KTN1: variants seen among roughly 807,000 people sequenced by gnomAD.
KTN1 encodes the protein kinectin 1, also known as kinectin.
Under a neutral mutation model 222.5 loss-of-function variants are expected in KTN1, and 130 were observed. The observed-to-expected ratio is 0.58, with a 90% CI of 0.51 to 0.68. KTN1 has a LOEUF of 0.68. Among genes scored for constraint, KTN1 ranks in the 30% least tolerant of loss-of-function variants. The pLI, the probability that KTN1 is intolerant of heterozygous loss-of-function variation, is 0.00. For synonymous variants in KTN1, 512 were observed against 496.3 expected (o/e 1.03, Z -0.42); for missense variants, 1,508 against 1,500.4 (o/e 1.01, Z -0.08).
chr14:55,679,981 C>G (rs988443561), intron 43 of KTN1: 6 of 311,136 alleles, frequency 1.9e-5, no homozygotes, highest in East Asian at 1.6e-4. Flanking sequence ...GCAACGGCTT[C>G]GTTAATTTAT....
At chr14:55,667,870 TG>T (rs2044997322) in intron 34 of KTN1, 1 of 151,716 alleles carries the variant, frequency 6.6e-6, no homozygotes, top group Admixed American at 6.6e-5. Flanking sequence ...AGTCAGTGAA[TG>T]TGCATGTGAG....
intron 33 of KTN1, 121 bp from the exon 34 acceptor site, chr14:55,667,119 TA>T (rs1363878842): frequency 3.2e-6 from 2 of 626,474 alleles, no homozygotes; most frequent in East Asian, 6.3e-5. Flanking sequence ...TTGTTAGTAT[TA>T]AAAATTTTTT....
Position 55,612,503 on chromosome 14 carries a change from C to T in KTN1, c.455C>T (p.Pro152Leu). The T allele has an allele frequency of 6.2e-7, 1 of 1,612,526 alleles. No individual in the cohort carries two copies. Among genetic ancestry groups the T allele is most frequent in the Non-Finnish European group, 8.5e-7 (1 of 1,179,664 alleles). ...GAACCTGTCCCAGTTACTAAACAGC[C>T]CACCCCTCCCTCTGAAGCAGCTGCC... ...KVEPVPVTKQPTPPSEAAASK... is the reference protein window; with the variant it reads ...KVEPVPVTKQLTPPSEAAASK... Residue 152 changes from proline to leucine, a missense_variant, in exon 2 of 44, where the codon CCC becomes CTC. Coordinates refer to ENST00000395314, the MANE Select transcript of KTN1 (RefSeq NM_001079521.2).
Position 55,653,080 on chromosome 14 carries a change from A to G in KTN1, c.2758A>G (p.Lys920Glu). The G allele has an allele frequency of 6.3e-7, 1 of 1,578,732 alleles. No individual in the cohort carries two copies. The highest frequency in any genetic ancestry group is 8.7e-7 in the Non-Finnish European group (1 of 1,149,028). Residue 920 changes from lysine (K) to glutamate (E), a missense_variant, in exon 27 of 44, where the codon AAA becomes GAA. Transcript: ENST00000395314. ...TCAGGAAGTAGCACAACATAACTTG[A>G]AAGAGGTATAGTATAAACAAATTAC... ...HVQEVAQHNL[K>E]EASSASQFEE... is the part of the protein sequence containing the mutation.
intron 12 of KTN1, 64 bp downstream of exon 12, chr14:55,637,911 G>A (rs1295556808): frequency 8.4e-7 from 1 of 1,196,128 alleles, no homozygotes; most frequent in Non-Finnish European, 1.2e-6. Context: ...TCACCTGAAT[G>A]TCTGTTGAGT....
chr14:55,611,703 C>G (rs1219265740), intron 1 of KTN1, among the ~76,000 whole-genome samples: 1 of 152,050 alleles, frequency 6.6e-6, no homozygotes, highest in Non-Finnish European at 1.5e-5. Context: ...AATAAAGTAC[C>G]AAAAGTGGAT....
At chr14:55,641,641 T>A in intron 17 of KTN1, 51 bp from the exon 18 acceptor site, 1 of 1,135,794 alleles carries the variant, frequency 8.8e-7, no homozygotes, top group Non-Finnish European at 1.3e-6. Context: ...AAATGATTGC[T>A]TTATTACCTT....
chr14:55,594,807 G>A (rs889190581), intron 1 of KTN1, among the ~76,000 whole-genome samples: 3 of 152,188 alleles, frequency 2.0e-5, no homozygotes, highest in Non-Finnish European at 4.4e-5. Flanking sequence ...AAAATATAAT[G>A]TAGTATAATG....
At chr14:55,633,994 G>C (rs929480339) in intron 8 of KTN1, among the ~76,000 whole-genome samples, 1 of 152,078 alleles carries the variant, frequency 6.6e-6, no homozygotes, top group Non-Finnish European at 1.5e-5. Flanking sequence ...ACAAAAATTA[G>C]CTGGGCTTGG....
chr14:55,622,615 C>T (rs2039307285), intron 5 of KTN1, among the ~76,000 whole-genome samples: 1 of 152,168 alleles, frequency 6.6e-6, no homozygotes, highest in Non-Finnish European at 1.5e-5. Context: ...ACACCTTTCC[C>T]CATAACCTCT....
intron 18 of KTN1, 151 bp downstream of exon 18, chr14:55,641,911 C>A: frequency 1.6e-6 from 1 of 618,624 alleles, no homozygotes; most frequent in Admixed American, 2.9e-5. Flanking sequence ...TATCTAAATT[C>A]AGGAAATTTT....
At chr14:55,670,508 G>A (rs1001560708) in intron 34 of KTN1, among the ~76,000 whole-genome samples, 1 of 151,984 alleles carries the variant, frequency 6.6e-6, no homozygotes, top group Non-Finnish European at 1.5e-5. Flanking sequence ...TTATTTTGAT[G>A]GTAGGTACAT....
At chr14:55,593,929 T>C (rs1025274360) in intron 1 of KTN1, among the ~76,000 whole-genome samples, 5 of 152,216 alleles carry the variant, frequency 3.3e-5, no homozygotes, top group Non-Finnish European at 5.9e-5. Flanking sequence ...TCTGTTTTGT[T>C]GCTGTTACCT....
rs779135065 is a variant in KTN1 at position 55,639,917 on chromosome 14, G to T, written c.1828G>T (p.Ala610Ser). ...CAAATGTCTTTCCTTCTAAAGGATT[G>T]CAGAAAAGGATAAGCAGATAAAACA... The part of the protein sequence containing the change: ...VLAEELHKVI[A>S]EKDKQIKQTE... The change falls in exon 14 of 44, where the codon GCA becomes TCA. Residue 610 changes from alanine (A) to serine (S), a missense_variant. By Grantham distance (99) the Ala-to-Ser change is moderately conservative. Transcript: ENST00000395314. 21 of 1,584,614 alleles carry T rather than the reference G, an allele frequency of 1.3e-5. No individual in the cohort carries two copies. The highest frequency in any genetic ancestry group is 1.6e-5 in the Non-Finnish European group (19 of 1,155,228).
chr14:55,650,446 A>G, intron 23 of KTN1, 28 bp downstream of exon 23: 1 of 1,567,160 alleles, frequency 6.4e-7, no homozygotes, highest in Non-Finnish European at 8.7e-7. Context: ...ACTGTGTTTT[A>G]TGTTTTTGTT....
At chr14:55,614,535 C>G (rs532942843) in intron 2 of KTN1, among the ~76,000 whole-genome samples, 1 of 152,116 alleles carries the variant, frequency 6.6e-6, no homozygotes, top group African/African-American at 2.4e-5. Flanking sequence ...TAGCCCACTT[C>G]CTTTTTTTAT....
At chr14:55,646,619 G>A (rs781229403) in intron 18 of KTN1, among the ~76,000 whole-genome samples, 1 of 145,824 alleles carries the variant, frequency 6.9e-6, no homozygotes, top group African/African-American at 2.5e-5. Flanking sequence ...TTGGACTTGC[G>A]AGGTCTTAGA....
At chr14:55,622,540 T>C (rs975951513) in intron 5 of KTN1, among the ~76,000 whole-genome samples, 5 of 152,242 alleles carry the variant, frequency 3.3e-5, no homozygotes, top group Non-Finnish European at 5.9e-5. Flanking sequence ...TAAAGTGATA[T>C]GTTGTCTGCT....
rs868333264 is a variant in KTN1 at position 55,647,437 on chromosome 14, C to T, written c.2207+430C>T. Among the ~76,000 whole-genome samples, 5 of 150,636 alleles carry T rather than the reference C, an allele frequency of 3.3e-5. No individual in the cohort carries two copies. The South Asian group carries it at 1.1e-3, about 32-fold the overall frequency. On this transcript the variant is annotated intron_variant, in intron 19 of 43. Coordinates refer to ENST00000395314, the MANE Select transcript of KTN1 (RefSeq NM_001079521.2). ...ATCACCTGAGGTCAGGGGTTTGAAA[C>T]CAGCCTGGCCAACATGGCAAACCCT...
Sources: allele counts gnomAD v4.1 joint callset (sites outside exome capture counted in the v4.1 genomes callset), GRCh38; gene constraint gnomAD v4.1.1; transcripts MANE v1.5; gene names NCBI Gene and HGNC (gene_info 2026-07-23, HGNC 2026-07-21).